SPG11: variants seen among roughly 807,000 people sequenced by gnomAD.
SPG11 encodes SPG11 vesicle trafficking associated, spatacsin, also known as spatacsin.
SPG11 carries 222 observed loss-of-function variants against 274.0 expected under a neutral mutation model. That is an observed-to-expected ratio of 0.81 (90% CI 0.73 to 0.91). SPG11 has a LOEUF of 0.91. SPG11 is among the 40% of genes least tolerant of loss of function. The pLI, the probability that SPG11 is intolerant of heterozygous loss-of-function variation, is 0.00. For synonymous variants in SPG11, 1,144 were observed against 1,039.7 expected (o/e 1.10, Z -1.93); for missense variants, 3,114 against 2,872.7 (o/e 1.08, Z -1.92).
rs560270251 is a variant in SPG11 at position 44,585,257 on chromosome 15, T to G, written c.5121+379A>C. 6.2e-4 allele frequency among the ~76,000 whole-genome samples: 94 copies of G among 152,090 alleles called. 1 individual carries two copies. The highest frequency in any genetic ancestry group is 6.8e-3 in the Middle Eastern group (2 of 294). ...TATACATCTCATTTGATTTACTGTT[T>G]AATGCTGATTTTAAAAGCTAAGATT... On this transcript the variant is annotated intron_variant, in intron 29 of 39. Transcript: ENST00000261866.
intron 30 of SPG11, among the ~76,000 whole-genome samples, chr15:44,576,050 G>A (rs912593348): frequency 6.7e-6 from 1 of 150,294 alleles, no homozygotes; most frequent in South Asian, 2.1e-4. Flanking sequence ...GCTGAGGCAG[G>A]AGAATTGCTT....
chr15:44,576,419 T>C (rs956784412), intron 30 of SPG11, among the ~76,000 whole-genome samples: 114 of 151,664 alleles, frequency 7.5e-4, no homozygotes, highest in Non-Finnish European at 3.5e-4. Context: ...GAGGCTGAGG[T>C]GGGCGGATCA....
chr15:44,638,527 AAAAC>A (rs1406745381), intron 7 of SPG11, among the ~76,000 whole-genome samples: 1 of 146,916 alleles, frequency 6.8e-6, no homozygotes, highest in Non-Finnish European at 1.5e-5. Flanking sequence ...ACACAACAAA[AAAAC>A]AAACTTTAGA....
intron 7 of SPG11, among the ~76,000 whole-genome samples, chr15:44,640,352 A>G (rs761942399): frequency 8.5e-5 from 13 of 152,228 alleles, no homozygotes; most frequent in Non-Finnish European, 1.2e-4. Context: ...TTATTGAAAG[A>G]CATTAATAAA....
intron 4 of SPG11, among the ~76,000 whole-genome samples, chr15:44,655,966 C>T (rs577922951): frequency 2.6e-5 from 4 of 152,114 alleles, no homozygotes; most frequent in Non-Finnish European, 5.9e-5. Flanking sequence ...CGGAACACAA[C>T]TGACTGGGAG....
intron 33 of SPG11, among the ~76,000 whole-genome samples, chr15:44,572,276 G>A (rs1821937472): frequency 1.3e-5 from 2 of 152,124 alleles, no homozygotes; most frequent in African/African-American, 4.8e-5. Context: ...TTCTAATGAA[G>A]GCCTATAATG....
At chr15:44,586,313 A>G (rs760578840) in intron 28 of SPG11, among the ~76,000 whole-genome samples, 3 of 152,166 alleles carry the variant, frequency 2.0e-5, no homozygotes, top group African/African-American at 2.4e-5. Context: ...TGTTAGTGGT[A>G]AAGTCTGACT....
In SPG11 at chr15:44,583,349, T is replaced by C. The variant is rs377185487; in HGVS notation, c.5866+465A>G. 6.6e-5 allele frequency among the ~76,000 whole-genome samples: 10 copies of C among 152,118 alleles called. No homozygotes were observed. In the East Asian group the frequency reaches 1.5e-3, roughly 23 times the overall value. ...AAAATTAGCCAGTAATCCCAGCTACTTGGGAAGCTAAGGCAGGAGAATCAC... is the reference window on the plus strand; with the variant it reads ...AAAATTAGCCAGTAATCCCAGCTACCTGGGAAGCTAAGGCAGGAGAATCAC... On this transcript the variant is annotated intron_variant, in intron 30 of 39. Coordinates refer to ENST00000261866, the MANE Select transcript of SPG11 (RefSeq NM_025137.4).
chr15:44,629,311 G>T lies in SPG11; in HGVS notation c.1813C>A (p.His605Asn). The T allele has an allele frequency of 1.9e-6, 3 of 1,614,056 alleles. No homozygotes were observed. Among genetic ancestry groups the T allele is most frequent in the Non-Finnish European group, 2.5e-6 (3 of 1,179,932 alleles). Residue 605 changes from histidine (H) to asparagine (N), a missense_variant, in exon 9 of 40, where the codon CAC becomes AAC. His to Asn is a moderately conservative substitution (Grantham distance 68). Coordinates refer to ENST00000261866, the MANE Select transcript of SPG11 (RefSeq NM_025137.4). ...RESYSEPQSK[H>N]FSEQLLNLTL... ...AGATTAAGCAATTGTTCTGAAAAGT[G>T]TTTGCTTTGGGGTTCAGAATAACTT...
intron 33 of SPG11, among the ~76,000 whole-genome samples, chr15:44,571,808 T>C (rs1275267557): frequency 6.6e-6 from 1 of 152,148 alleles, no homozygotes; most frequent in Non-Finnish European, 1.5e-5. Context: ...TAAATTTCTT[T>C]TAGAGATGGA....
intron 23 of SPG11, 23 bp from the exon 24 acceptor site, chr15:44,596,966 G>A: frequency 6.2e-7 from 1 of 1,613,012 alleles, no homozygotes; most frequent in Non-Finnish European, 8.5e-7. Context: ...TTAGAGGTGG[G>A]GGTGGTCAAG....
chr15:44,595,517 T>C, intron 25 of SPG11, 58 bp from the exon 26 acceptor site: 1 of 1,517,718 alleles, frequency 6.6e-7, no homozygotes, highest in Non-Finnish European at 9.1e-7. Flanking sequence ...AATGTACAAA[T>C]ACTACAGATG....
In SPG11 at chr15:44,609,735, CT is replaced by C. The variant is rs752969781; in HGVS notation, c.3291+1104del. ...CATTCCCCTCCCTGCCCCCGCCCAG[CT>C]TTTTTTTTTTTTTGAGACAAGGTCT... is the stretch of plus-strand genomic sequence containing the variant. On this transcript the variant is annotated intron_variant, in intron 18 of 39. Coordinates refer to ENST00000261866, the MANE Select transcript of SPG11 (RefSeq NM_025137.4). Among the ~76,000 whole-genome samples, 657 of 140,652 alleles carry C rather than the reference CT, an allele frequency of 4.7e-3. 1 individual carries two copies. The highest frequency in any genetic ancestry group is 5.8e-3 in the African/African-American group (225 of 38,696). 92.3% of individuals were successfully genotyped at this position (140,652 alleles called of 152,430 possible). A position where few individuals can be genotyped will look rare whatever the true frequency, so the allele number is the denominator to read the frequency against.
chr15:44,575,166 T>C (rs1004170385), intron 30 of SPG11, 125 bp from the exon 31 acceptor site: 3 of 1,216,400 alleles, frequency 2.5e-6, no homozygotes, highest in African/African-American at 1.5e-5. Context: ...TGACTGGGGA[T>C]AGGACCACTG....
Position 44,600,572 on chromosome 15 carries a change from A to T in SPG11, c.3581T>A (p.Val1194Glu). 6.2e-7 allele frequency: 1 copy of T among 1,614,190 alleles called. No homozygotes were observed. ...ATAATAAGCAAAATTCAGACGTTCC[A>T]CTATAGCATATTTATTAACCAGGTC... ...SPDLVNKYAI[V>E]ERLNFAYYLH... The change falls in exon 21 of 40, where the codon GTG (valine) becomes GAG (glutamate). Residue 1194 changes from valine (V) to glutamate (E), a missense_variant. Coordinates refer to ENST00000261866, the MANE Select transcript of SPG11 (RefSeq NM_025137.4).
intron 12 of SPG11, 42 bp from the exon 13 acceptor site, chr15:44,622,389 C>G (rs1228160861): frequency 6.7e-7 from 1 of 1,493,554 alleles, no homozygotes; most frequent in Admixed American, 1.9e-5. Flanking sequence ...TACAAAAAAT[C>G]AAGCACTTTT....
chr15:44,661,572 T>C (rs1224758260), intron 1 of SPG11, among the ~76,000 whole-genome samples: 2 of 152,046 alleles, frequency 1.3e-5, no homozygotes, highest in Non-Finnish European at 2.9e-5. Flanking sequence ...TTTATACTAC[T>C]ATAGTAGTTT....
intron 35 of SPG11, among the ~76,000 whole-genome samples, chr15:44,568,576 G>A (rs977243714): frequency 1.3e-5 from 2 of 152,230 alleles, no homozygotes; most frequent in African/African-American, 2.4e-5. Context: ...CGGGCTTGCA[G>A]AGCCCAAGAC....
intron 13 of SPG11, 58 bp downstream of exon 13, chr15:44,622,162 A>C: frequency 6.4e-7 from 1 of 1,562,370 alleles, no homozygotes; most frequent in South Asian, 1.1e-5. Context: ...TAACAACTAT[A>C]AATGAAATAC....
Sources: allele counts gnomAD v4.1 joint callset (sites outside exome capture counted in the v4.1 genomes callset), GRCh38; gene constraint gnomAD v4.1.1; transcripts MANE v1.5; gene names NCBI Gene and HGNC (gene_info 2026-07-23, HGNC 2026-07-21).